The following ANKS1B variants were observed in gnomAD, a reference collection of about 807,000 sequenced individuals.
The protein encoded by ANKS1B is ankyrin repeat and sterile alpha motif domain-containing protein 1B.
Under a neutral mutation model 148.3 loss-of-function variants are expected in ANKS1B, and 36 were observed. The observed-to-expected ratio is 0.24, with a 90% CI of 0.19 to 0.32. The LOEUF (loss-of-function observed/expected upper bound fraction) is 0.32. ANKS1B is among the 10% of genes least tolerant of loss of function. The pLI is 1.00. For synonymous variants in ANKS1B, 542 were observed against 560.8 expected (o/e 0.97, Z 0.47); for missense variants, 1,157 against 1,542.6 (o/e 0.75, Z 4.19).
chr12:99,375,593 T>C (rs2093358262), intron 12 of ANKS1B, among the ~76,000 whole-genome samples: 1 of 152,164 alleles, frequency 6.6e-6, no homozygotes, highest in Admixed American at 6.5e-5. Flanking sequence ...GATTTTCTGA[T>C]CTAAATGTGC....
chr12:99,345,302 G>C (rs1351223294), intron 12 of ANKS1B, among the ~76,000 whole-genome samples: 1 of 151,972 alleles, frequency 6.6e-6, no homozygotes, highest in Non-Finnish European at 1.5e-5. Context: ...CTCTATGATA[G>C]ACACTCAAGA....
At chr12:99,531,397 C>T (rs762462891) in intron 9 of ANKS1B, among the ~76,000 whole-genome samples, 12 of 152,168 alleles carry the variant, frequency 7.9e-5, no homozygotes, top group Non-Finnish European at 1.5e-4. Context: ...GTGTCAACTA[C>T]ACCACACAGT....
At chr12:99,590,256 A>ACC (rs200158798) in intron 9 of ANKS1B, among the ~76,000 whole-genome samples, 1 of 131,594 alleles carries the variant, frequency 7.6e-6, no homozygotes, top group African/African-American at 3.1e-5. Context: ...ACCCACACCC[A>ACC]CCCACACACA....
chr12:99,728,930 A>G (rs2058871900), intron 8 of ANKS1B, among the ~76,000 whole-genome samples: 1 of 152,204 alleles, frequency 6.6e-6, no homozygotes, highest in Non-Finnish European at 1.5e-5. Context: ...GTGGGAGCTA[A>G]ACAATGAGAA....
intron 9 of ANKS1B, among the ~76,000 whole-genome samples, chr12:99,561,266 C>T (rs915644984): frequency 1.3e-5 from 2 of 152,196 alleles, no homozygotes; most frequent in Non-Finnish European, 2.9e-5. Flanking sequence ...AGCAGAACTT[C>T]TTTCAAAATC....
At chr12:99,856,029 C>A in intron 1 of ANKS1B, among the ~76,000 whole-genome samples, 1 of 152,016 alleles carries the variant, frequency 6.6e-6, no homozygotes, top group South Asian at 2.1e-4. Flanking sequence ...GCAACCAAAC[C>A]AAACCCAGCA....
At chr12:99,289,764 TAA>T (rs968505091) in intron 12 of ANKS1B, among the ~76,000 whole-genome samples, 4 of 151,886 alleles carry the variant, frequency 2.6e-5, no homozygotes, top group African/African-American at 9.7e-5. Flanking sequence ...TGGGTTATAG[TAA>T]AAGCAGTACT....
At chr12:99,107,713 G>A (rs1438458282) in intron 15 of ANKS1B, among the ~76,000 whole-genome samples, 1 of 152,130 alleles carries the variant, frequency 6.6e-6, no homozygotes, top group African/African-American at 2.4e-5. Context: ...TGTAACACAG[G>A]CTCACTTGTA....
At chr12:99,624,323 A>C (rs555411152) in intron 9 of ANKS1B, among the ~76,000 whole-genome samples, 51 of 152,108 alleles carry the variant, frequency 3.4e-4, no homozygotes, top group Non-Finnish European at 6.3e-4. Flanking sequence ...CTGGGAAACT[A>C]CTTTTTAGAC....
intron 12 of ANKS1B, among the ~76,000 whole-genome samples, chr12:99,301,847 T>G (rs2081666369): frequency 6.6e-6 from 1 of 152,042 alleles, no homozygotes; most frequent in Non-Finnish European, 1.5e-5. Flanking sequence ...AAAGCAACGG[T>G]AAGGCATTGG....
intron 1 of ANKS1B, among the ~76,000 whole-genome samples, chr12:99,929,279 G>C (rs1249017822): frequency 2.6e-5 from 4 of 152,062 alleles, no homozygotes; most frequent in Non-Finnish European, 4.4e-5. Context: ...GTGTTTTTTG[G>C]CTGCATAAAT....
intron 8 of ANKS1B, among the ~76,000 whole-genome samples, chr12:99,691,200 C>T (rs1405780168): frequency 6.6e-6 from 1 of 152,166 alleles, no homozygotes; most frequent in Non-Finnish European, 1.5e-5. Context: ...CTGAGCCCAC[C>T]CTACAAAACC....
chr12:99,699,057 CTTATT>C (rs2054388850), intron 8 of ANKS1B, among the ~76,000 whole-genome samples: 1 of 152,156 alleles, frequency 6.6e-6, no homozygotes, highest in South Asian at 2.1e-4. Flanking sequence ...TATTCATTCA[CTTATT>C]TTTTCATTCA....
intron 1 of ANKS1B, among the ~76,000 whole-genome samples, chr12:99,979,101 T>G (rs1231282974): frequency 6.6e-6 from 1 of 152,056 alleles, no homozygotes; most frequent in African/African-American, 2.4e-5. Flanking sequence ...TGCAGCTGTC[T>G]CATAAAAGAT....
At chr12:99,592,692 C>A (rs2097715059) in intron 9 of ANKS1B, among the ~76,000 whole-genome samples, 1 of 152,056 alleles carries the variant, frequency 6.6e-6, no homozygotes, top group Non-Finnish European at 1.5e-5. Context: ...CAAACTCTGT[C>A]AAATATTTGA....
intron 10 of ANKS1B, among the ~76,000 whole-genome samples, chr12:99,470,114 C>CTAATAATAATAA (rs369653175): frequency 4.0e-4 from 59 of 148,090 alleles, no homozygotes; most frequent in African/African-American, 1.3e-3. Context: ...GACTCTGTCT[C>CTAATAATAATAA]TAATAATAAT....
Position 99,915,206 on chromosome 12 carries a change from C to G in ANKS1B, c.134+68898G>C, listed in dbSNP as rs866385469. ...CACCATTGCACTCCAGCATGGGCAA[C>G]AAGAACAAAAAGCTGTCTCAAAAAA... On this transcript the variant is annotated intron_variant, in intron 1 of 26. Coordinates refer to ENST00000683438, the MANE Select transcript of ANKS1B (RefSeq NM_001352186.2). Among the ~76,000 whole-genome samples, 44 of 82,482 alleles carry G rather than the reference C, an allele frequency of 5.3e-4. No homozygotes were observed. The Middle Eastern group carries it at 0.031, about 57-fold the overall frequency. 54.1% of individuals were successfully genotyped at this position (82,482 alleles called of 152,430 possible).
rs372584652 is a variant in ANKS1B at position 99,373,170 on chromosome 12, A to G, written c.1756+26461T>C. ...CATAGCAGAGGTGGTAGTGAACTTG[A>G]CCACTAGTGAGAAATAAGAGGAACT... On this transcript the variant is annotated intron_variant, in intron 12 of 26. Transcript: ENST00000683438. Among the ~76,000 whole-genome samples, 34 of 152,250 alleles carry G rather than the reference A, an allele frequency of 2.2e-4. 1 individual carries two copies. The South Asian group carries it at 6.8e-3, about 31-fold the overall frequency.
chr12:98,930,763 G>C (rs990146232), intron 17 of ANKS1B, among the ~76,000 whole-genome samples: 52 of 152,122 alleles, frequency 3.4e-4, no homozygotes, highest in African/African-American at 1.2e-3. Flanking sequence ...ACTGCTCATG[G>C]TTATGGGGTG....
Sources: gnomAD v4.1 joint callset for allele counts (sites outside exome capture counted in the v4.1 genomes callset) on GRCh38, gnomAD v4.1.1 for gene constraint, MANE v1.5 for transcripts, NCBI Gene and HGNC (gene_info 2026-07-23, HGNC 2026-07-21) for gene names.